Variants in SBK1 observed in about 807,000 individuals in gnomAD.
SBK1 encodes the protein serine/threonine-protein kinase SBK1.
In SBK1, 11 loss-of-function variants were observed where a neutral mutation model predicts 24.4. The ratio of observed to expected loss-of-function variants is 0.45; its 90% CI spans 0.28 to 0.75. SBK1 has a LOEUF of 0.75. SBK1 is among the 30% of genes least tolerant of loss of function. The probability of loss-of-function intolerance (pLI) is 0.12; values close to 1 mark genes in which losing one functional copy is unlikely to be tolerated. For missense variants in SBK1, 467 were observed against 620.5 expected, an observed-to-expected ratio of 0.75 and a Z score of 2.63; for synonymous variants, 308 against 284.4, an observed-to-expected ratio of 1.08 and a Z score of -0.83.
intron 1 of SBK1, among the ~76,000 whole-genome samples, chr16:28,296,632 G>C (rs1353465008): frequency 6.6e-6 from 1 of 152,214 alleles, no homozygotes; most frequent in African/African-American, 2.4e-5. Context: ...GCACAGAATA[G>C]TGTCCACCCA....
At chr16:28,313,702 A>C (rs1040312566) in intron 1 of SBK1, among the ~76,000 whole-genome samples, 1 of 148,950 alleles carries the variant, frequency 6.7e-6, no homozygotes, top group Non-Finnish European at 1.5e-5. Context: ...CAGGGCGGGG[A>C]GGGGAGGGTT....
At chr16:28,293,976 T>A (rs1453342435) in intron 1 of SBK1, among the ~76,000 whole-genome samples, 1 of 152,086 alleles carries the variant, frequency 6.6e-6, no homozygotes, top group African/African-American at 2.4e-5. Context: ...GTAGCCTAGA[T>A]GAAGAAGCTA....
chr16:28,297,369 A>G (rs1223964482), intron 1 of SBK1, among the ~76,000 whole-genome samples: 1 of 152,162 alleles, frequency 6.6e-6, no homozygotes, highest in Non-Finnish European at 1.5e-5. Context: ...CCTGAACAGA[A>G]ACGAAACTGA....
intron 1 of SBK1, among the ~76,000 whole-genome samples, chr16:28,313,005 C>T (rs2044764686): frequency 6.6e-6 from 1 of 152,178 alleles, no homozygotes; most frequent in South Asian, 2.1e-4. Context: ...TGGCACATGC[C>T]TGTAATTGCA....
intron 1 of SBK1, among the ~76,000 whole-genome samples, chr16:28,280,130 T>TATAC (rs1192531609): frequency 1.3e-5 from 1 of 78,954 alleles, no homozygotes; most frequent in Non-Finnish European, 2.7e-5. Flanking sequence ...TATATATATA[T>TATAC]ATATATATAT....
intron 1 of SBK1, among the ~76,000 whole-genome samples, chr16:28,260,347 T>C (rs1314620898): frequency 1.3e-5 from 2 of 151,956 alleles, no homozygotes; most frequent in Non-Finnish European, 2.9e-5. Context: ...TCCAGCCAAG[T>C]GCATTATCCA....
At chr16:28,262,458 G>T (rs1597006713) in intron 1 of SBK1, among the ~76,000 whole-genome samples, 2 of 152,018 alleles carry the variant, frequency 1.3e-5, no homozygotes, top group East Asian at 3.9e-4. Flanking sequence ...AGGGGGGCAG[G>T]TGACCAGTTC....
At chr16:28,273,466 C>T (rs768460275) in intron 1 of SBK1, among the ~76,000 whole-genome samples, 3 of 152,176 alleles carry the variant, frequency 2.0e-5, no homozygotes, top group African/African-American at 4.8e-5. Flanking sequence ...TCAGGTGATC[C>T]GCCTGCCTCG....
chr16:28,321,898 G>A lies in SBK1; in HGVS notation c.*977G>A, dbSNP rs2044852041. ...GGGTCCTCCCAGCCCTTGCCACACA[G>A]CCTAGACGTAGTAGCCTGGGCTTCC... On this transcript the variant is annotated 3_prime_UTR_variant, in exon 4 of 4. Coordinates refer to ENST00000341901, the MANE Select transcript of SBK1 (RefSeq NM_001024401.3). 1 of 152,284 alleles carries A rather than the reference G, an allele frequency of 6.6e-6. No homozygotes were observed. Among genetic ancestry groups the A allele is most frequent in the Admixed American group, 6.5e-5 (1 of 15,278 alleles). 9.4% of individuals were successfully genotyped at this position (152,284 alleles called of 1,614,324 possible).
Position 28,292,616 on chromosome 16 carries a change from GC to G in SBK1, c.-690del. 2 of 982,120 alleles carry G rather than the reference GC, an allele frequency of 2.0e-6. No individual in the cohort carries two copies. The highest frequency in any genetic ancestry group is 2.4e-6 in the Non-Finnish European group (2 of 828,474). 60.8% of individuals were successfully genotyped at this position (982,120 alleles called of 1,614,324 possible). A position where few individuals can be genotyped will look rare whatever the true frequency, so the allele number is the denominator to read the frequency against. On this transcript the variant is annotated 5_prime_UTR_variant, in exon 1 of 4. An upstream open reading frame in the 5' UTR loses its in-frame stop. Transcript: ENST00000341901. ...AGCTGGAGCCGCAGCCGGAGCCCGG[GC>G]CAGGCCGGGGGCCGGGAGCGCAGGG...
intron 1 of SBK1, among the ~76,000 whole-genome samples, chr16:28,260,068 A>G (rs1293533080): frequency 2.9e-5 from 4 of 135,986 alleles, no homozygotes; most frequent in Non-Finnish European, 6.3e-5. Context: ...ACGAAAATGC[A>G]TGCATGTGTA....
At chr16:28,260,171 CG>C (rs1567667638) in intron 1 of SBK1, among the ~76,000 whole-genome samples, 1 of 151,646 alleles carries the variant, frequency 6.6e-6, no homozygotes, top group African/African-American at 2.4e-5. Flanking sequence ...TGGGGGTGAC[CG>C]TGTGTGACTG....
intron 1 of SBK1, among the ~76,000 whole-genome samples, chr16:28,268,041 G>T (rs188163381): frequency 2.0e-5 from 3 of 152,116 alleles, no homozygotes; most frequent in Non-Finnish European, 4.4e-5. Context: ...CAGCTACTTG[G>T]GGGGCTGAGG....
chr16:28,322,931 CCTCTCTCTCTCTCTCTCT>C lies in SBK1; in HGVS notation c.*2042_*2059del, dbSNP rs1160741491. 34 of 55,390 alleles carry C rather than the reference CCTCTCTCTCTCTCTCTCT, an allele frequency of 6.1e-4. 1 individual carries two copies. Among genetic ancestry groups the C allele is most frequent in the South Asian group, 1.9e-3 (2 of 1,060 alleles). The allele number at this position is 55,390 out of a possible 1,614,324, so 3.4% of individuals were successfully genotyped here. On this transcript the variant is annotated 3_prime_UTR_variant, in exon 4 of 4. Coordinates refer to ENST00000341901, the MANE Select transcript of SBK1 (RefSeq NM_001024401.3). Reference sequence around the variant, plus strand: ...CTCTCTCGCGCGCGCTCTCTCTCTCCCTCTCTCTCTCTCTCTCTCTCTCTCTCTCTCTCTCTCTCTCTC... The same window carrying C: ...CTCTCTCGCGCGCGCTCTCTCTCTCCCTCTCTCTCTCTCTCTCTCTCTCTC...
chr16:28,303,156 TG>T (rs1228828975), intron 1 of SBK1, among the ~76,000 whole-genome samples: 1 of 114,706 alleles, frequency 8.7e-6, no homozygotes, highest in Admixed American at 9.6e-5. Flanking sequence ...AGGCAGAATA[TG>T]GGGGGGAGAT....
intron 1 of SBK1, among the ~76,000 whole-genome samples, chr16:28,282,349 G>A (rs1046091608): frequency 1.3e-5 from 2 of 152,084 alleles, no homozygotes; most frequent in African/African-American, 2.4e-5. Flanking sequence ...GCATTCGCAC[G>A]GAGGGGAAGG....
intron 1 of SBK1, among the ~76,000 whole-genome samples, chr16:28,279,421 A>C (rs547512833): frequency 1.3e-5 from 2 of 150,478 alleles, no homozygotes; most frequent in South Asian, 4.2e-4. Flanking sequence ...ACCAAAAAAA[A>C]AAAAAAAAAA....
At chr16:28,275,465 C>T (rs1474354551) in intron 1 of SBK1, among the ~76,000 whole-genome samples, 2 of 152,064 alleles carry the variant, frequency 1.3e-5, no homozygotes, top group African/African-American at 4.8e-5. Flanking sequence ...TGGGAAGTTG[C>T]AGAGCAGAGA....
At chr16:28,288,637 G>C (rs1432845378), upstream of SBK1, among the ~76,000 whole-genome samples, 1 of 152,222 alleles carries the variant, frequency 6.6e-6, no homozygotes, top group Non-Finnish European at 1.5e-5. Flanking sequence ...CGACCCTTCA[G>C]TCCTGAGGGA....
Sources: allele counts gnomAD v4.1 joint callset (sites outside exome capture counted in the v4.1 genomes callset), GRCh38; gene constraint gnomAD v4.1.1; transcripts MANE v1.5; gene names NCBI Gene and HGNC (gene_info 2026-07-23, HGNC 2026-07-21).